The following ZNF341 variants were observed in gnomAD, a reference collection of about 807,000 sequenced individuals.
ZNF341 encodes the protein zinc finger protein 341.
ZNF341 carries 52 observed loss-of-function variants against 87.7 expected under a neutral mutation model. The ratio of observed to expected loss-of-function variants is 0.59; its 90% confidence interval spans 0.47 to 0.75. The LOEUF is 0.75. Ranked by LOEUF, ZNF341 falls within the 30% of genes least tolerant of loss-of-function variation. The pLI, the probability that ZNF341 is intolerant of heterozygous loss-of-function variation, is 0.00. For missense variants in ZNF341, 977 were observed against 1,145.9 expected (o/e 0.85, Z 2.13); for synonymous variants, 459 against 472.7 (o/e 0.97, Z 0.38).
intron 12 of ZNF341, chr20:33,788,424 A>AC: frequency 4.8e-6 from 1 of 206,460 alleles, no homozygotes; most frequent in Non-Finnish European, 1.0e-5. Flanking sequence ...CTCTGTCTCA[A>AC]AAAAAATAAA....
chr20:33,764,525 ATGTGTGTGTGTGTATGTG>A (rs2019359183), intron 8 of ZNF341, among the ~76,000 whole-genome samples: 1 of 118,948 alleles, frequency 8.4e-6, no homozygotes, highest in Non-Finnish European at 1.7e-5. Context: ...ATGTATATAT[ATGTGTGTGTGTGTATGTG>A]TATATATATA....
intron 14 of ZNF341, among the ~76,000 whole-genome samples, chr20:33,790,409 C>T (rs994535334): frequency 6.6e-6 from 1 of 151,962 alleles, no homozygotes; most frequent in Non-Finnish European, 1.5e-5. Flanking sequence ...TGGGGGCTGT[C>T]CTGTGCCCTG....
chr20:33,783,842 ACTGCATGCTCACAT>A lies in ZNF341; in HGVS notation c.1832_1845del (p.Leu611ProfsTer4), dbSNP rs1568593825. ...TCTTCCGGCGGGAGCATTATCTCAA[ACTGCATGCTCACAT>A]CCACTCGGGTAGGTACCCTGCCCCT... On this transcript the variant is annotated frameshift_variant, in exon 12 of 15. Coordinates refer to ENST00000375200, the MANE Select transcript of ZNF341 (RefSeq NM_001282933.2). LOFTEE classifies it high-confidence loss of function. The A allele has an allele frequency of 6.2e-7, 1 of 1,613,270 alleles. No homozygotes were observed. Among genetic ancestry groups the A allele is most frequent in the South Asian group, 1.1e-5 (1 of 91,044 alleles).
intron 5 of ZNF341, among the ~76,000 whole-genome samples, chr20:33,755,446 G>A (rs2019156663): frequency 1.3e-5 from 2 of 151,914 alleles, no homozygotes; most frequent in Admixed American, 1.3e-4. Context: ...ACAGGCATGA[G>A]CCACCATACC....
chr20:33,774,189 G>A (rs147677558), intron 10 of ZNF341, among the ~76,000 whole-genome samples: 8 of 151,522 alleles, frequency 5.3e-5, no homozygotes, highest in Admixed American at 5.3e-4. Context: ...CCACTCCGGA[G>A]CCTGAGGCAG....
At position 33,745,444 on chromosome 20, in the gene ZNF341, G is replaced by A. The variant is rs566072290; in HGVS notation, c.339+145G>A. The A allele has an allele frequency of 3.1e-4, 245 of 798,728 alleles. No homozygotes were observed. The African/African-American group carries it at 3.9e-3, about 13-fold the overall frequency. 49.5% of individuals were successfully genotyped at this position (798,728 alleles called of 1,614,324 possible). A position where few individuals can be genotyped will look rare whatever the true frequency, so the allele number is the denominator to read the frequency against. On this transcript the variant is annotated intron_variant, in intron 3 of 14. Transcript: ENST00000375200. ...GTGGGGCGAGATGGATGGTGCACAT[G>A]TACTGTTTTCAGCATGTTAAATGCG... is the stretch of plus-strand genomic sequence containing the variant.
intron 6 of ZNF341, 130 bp from the exon 7 acceptor site, chr20:33,758,586 G>C (rs1327139907): frequency 1.5e-6 from 1 of 661,584 alleles, no homozygotes; most frequent in Non-Finnish European, 2.6e-6. Flanking sequence ...TCTCCTCCCT[G>C]GCCTGTGTAT....
intron 4 of ZNF341, among the ~76,000 whole-genome samples, chr20:33,750,295 A>G (rs946339055): frequency 1.3e-5 from 2 of 152,144 alleles, no homozygotes; most frequent in Non-Finnish European, 2.9e-5. Context: ...GGCCAAAGGA[A>G]CCTAAGGTGG....
chr20:33,755,101 C>A (rs1205504159), intron 5 of ZNF341, among the ~76,000 whole-genome samples: 1 of 152,112 alleles, frequency 6.6e-6, no homozygotes, highest in Non-Finnish European at 1.5e-5. Flanking sequence ...AGCTACCACG[C>A]CCAACTAATT....
Position 33,766,338 on chromosome 20 carries a change from G to A in ZNF341, c.1223-513G>A, listed in dbSNP as rs549844623. Among the ~76,000 whole-genome samples the A allele has an allele frequency of 8.5e-5, 13 of 152,070 alleles. No homozygotes were observed. In the South Asian group the frequency reaches 2.7e-3, roughly 32 times the overall value. On this transcript the variant is annotated intron_variant, in intron 8 of 14. Transcript: ENST00000375200. Reference sequence around the variant, plus strand: ...GCCTCCTGTGTAGCTGGGATTACAGGCACCCTCCACCACGCCTGGCTAATT... The same window carrying A: ...GCCTCCTGTGTAGCTGGGATTACAGACACCCTCCACCACGCCTGGCTAATT...
chr20:33,755,961 GCCTGTAATC>G (rs1355126759), intron 5 of ZNF341, among the ~76,000 whole-genome samples: 4 of 151,968 alleles, frequency 2.6e-5, no homozygotes, highest in African/African-American at 9.7e-5. Context: ...AGGGGCTCAC[GCCTGTAATC>G]CCTGCACTTT....
chr20:33,767,057 C>T lies in ZNF341; in HGVS notation c.1413+16C>T, dbSNP rs756572973. On this transcript the variant is annotated intron_variant, in intron 9 of 14. Transcript: ENST00000375200. ...GAATGAGCAGGTAGGTGGATGGTGG[C>T]AGCAGGGGCCCACACCACACCAGTC... The T allele has an allele frequency of 6.2e-7, 1 of 1,604,096 alleles. No individual in the cohort carries two copies. Among genetic ancestry groups the T allele is most frequent in the Non-Finnish European group, 8.5e-7 (1 of 1,174,650 alleles).
chr20:33,749,206 C>T, intron 4 of ZNF341, 134 bp downstream of exon 4: 2 of 1,276,566 alleles, frequency 1.6e-6, no homozygotes. Flanking sequence ...ATCAGCTTTC[C>T]CTTGTCCAGC....
intron 8 of ZNF341, among the ~76,000 whole-genome samples, chr20:33,766,048 A>C (rs572361571): frequency 1.3e-5 from 2 of 151,822 alleles, no homozygotes; most frequent in South Asian, 4.2e-4. Context: ...ACGCCCAGAT[A>C]ATTTTTTTGT....
At chr20:33,761,208 A>G (rs1163867514) in intron 7 of ZNF341, among the ~76,000 whole-genome samples, 2 of 152,156 alleles carry the variant, frequency 1.3e-5, no homozygotes, top group Non-Finnish European at 2.9e-5. Context: ...AAACTGTGGT[A>G]CAAGTGCTGT....
At chr20:33,766,007 C>T (rs1351151252) in intron 8 of ZNF341, among the ~76,000 whole-genome samples, 3 of 151,792 alleles carry the variant, frequency 2.0e-5, no homozygotes, top group Non-Finnish European at 4.4e-5. Flanking sequence ...CTCAGCCTCC[C>T]AAGTAGCTGG....
chr20:33,735,465 C>A (rs573625498), intron 1 of ZNF341, among the ~76,000 whole-genome samples: 1 of 152,064 alleles, frequency 6.6e-6, no homozygotes, highest in Non-Finnish European at 1.5e-5. Flanking sequence ...CTCCCAGGTG[C>A]GTGCCAGGAC....
At chr20:33,773,828 T>G (rs1482719062) in intron 10 of ZNF341, among the ~76,000 whole-genome samples, 1 of 152,128 alleles carries the variant, frequency 6.6e-6, no homozygotes, top group Non-Finnish European at 1.5e-5. Flanking sequence ...CTGTGGTGGC[T>G]TCATCATATC....
At chr20:33,785,085 G>T (rs970034983) in intron 12 of ZNF341, among the ~76,000 whole-genome samples, 1 of 151,992 alleles carries the variant, frequency 6.6e-6, no homozygotes, top group South Asian at 2.1e-4. Flanking sequence ...TTTTTTAATT[G>T]CTTTTTAATT....
Sources: allele counts gnomAD v4.1 joint callset (sites outside exome capture counted in the v4.1 genomes callset), GRCh38; gene constraint gnomAD v4.1.1; transcripts MANE v1.5; gene names NCBI Gene and HGNC (gene_info 2026-07-23, HGNC 2026-07-21).